The following TAFA1 variants were observed in gnomAD, a reference collection of about 807,000 sequenced individuals.
TAFA1 encodes TAFA chemokine like family member 1.
In TAFA1, 4 loss-of-function variants were observed where a neutral mutation model predicts 18.5. The ratio of observed to expected loss-of-function variants is 0.22; its 90% confidence interval spans 0.11 to 0.49. The LOEUF (loss-of-function observed/expected upper bound fraction) is 0.49, where lower values mean the gene tolerates loss of function less well. Ranked by LOEUF, TAFA1 falls within the 20% of genes least tolerant of loss-of-function variation. The pLI is 0.98. For missense variants in TAFA1, 147 were observed against 169.0 expected (o/e 0.87, Z 0.72); for synonymous variants, 56 against 55.2 (o/e 1.01, Z -0.06).
At chr3:68,414,616 C>T (rs1264639755) in intron 2 of TAFA1, among the ~76,000 whole-genome samples, 1 of 152,064 alleles carries the variant, frequency 6.6e-6, no homozygotes, top group Non-Finnish European at 1.5e-5. Context: ...ATACAGCATC[C>T]AGCACCCAAA....
At chr3:68,105,390 A>G (rs2065192095) in intron 2 of TAFA1, among the ~76,000 whole-genome samples, 2 of 152,200 alleles carry the variant, frequency 1.3e-5, no homozygotes, top group Non-Finnish European at 2.9e-5. Context: ...TTTAGACTCT[A>G]AAATGTTCAG....
intron 2 of TAFA1, among the ~76,000 whole-genome samples, chr3:68,224,370 C>T (rs1395984442): frequency 6.6e-6 from 1 of 152,084 alleles, no homozygotes; most frequent in Non-Finnish European, 1.5e-5. Context: ...CTCTGTAGGG[C>T]CCAGGCTCAG....
intron 2 of TAFA1, among the ~76,000 whole-genome samples, chr3:68,400,343 G>C (rs1380719514): frequency 6.6e-6 from 1 of 152,182 alleles, no homozygotes; most frequent in Admixed American, 6.5e-5. Flanking sequence ...AGTTTCATTT[G>C]TTGAGATTCA....
intron 2 of TAFA1, among the ~76,000 whole-genome samples, chr3:68,288,438 G>A (rs1332178193): frequency 1.3e-5 from 2 of 152,164 alleles, no homozygotes; most frequent in African/African-American, 4.8e-5. Flanking sequence ...CATTGGCTCA[G>A]CTTCCTGGAG....
intron 2 of TAFA1, among the ~76,000 whole-genome samples, chr3:68,081,456 G>A (rs1400583298): frequency 6.6e-6 from 1 of 151,488 alleles, no homozygotes; most frequent in Non-Finnish European, 1.5e-5. Context: ...ATCTAGTTTT[G>A]GTCTTTGATG....
chr3:68,153,573 A>G (rs2065832071), intron 2 of TAFA1, among the ~76,000 whole-genome samples: 1 of 152,058 alleles, frequency 6.6e-6, no homozygotes, highest in East Asian at 1.9e-4. Context: ...GACTCGTTTT[A>G]TTTTATTTGT....
chr3:68,520,791 A>G (rs1279517407), intron 3 of TAFA1, among the ~76,000 whole-genome samples: 1 of 56,396 alleles, frequency 1.8e-5, no homozygotes, highest in East Asian at 1.0e-3. Context: ...CTATTAGTCA[A>G]CTAAATTTTT....
intron 2 of TAFA1, among the ~76,000 whole-genome samples, chr3:68,224,896 CTTTTTTTTTTTT>C (rs71112624): frequency 1.3e-4 from 6 of 46,368 alleles, no homozygotes; most frequent in Non-Finnish European, 2.1e-4. Flanking sequence ...GCTTGTGGCA[CTTTTTTTTTTTT>C]TTTTTTTTTT....
At chr3:68,448,462 G>A (rs919273705) in intron 3 of TAFA1, among the ~76,000 whole-genome samples, 6 of 152,082 alleles carry the variant, frequency 3.9e-5, no homozygotes, top group Non-Finnish European at 5.9e-5. Context: ...TTAATACGAC[G>A]ACTGTACTGT....
chr3:68,203,414 A>T (rs180873669), intron 2 of TAFA1, among the ~76,000 whole-genome samples: 8 of 151,718 alleles, frequency 5.3e-5, no homozygotes, highest in Admixed American at 4.6e-4. Flanking sequence ...TCTGTTTCTG[A>T]TGCTTGCTCT....
intron 3 of TAFA1, among the ~76,000 whole-genome samples, chr3:68,461,925 C>T (rs2071789767): frequency 6.6e-6 from 1 of 151,964 alleles, no homozygotes; most frequent in Non-Finnish European, 1.5e-5. Context: ...GTCTGGGTTG[C>T]AACAAAGATG....
At chr3:68,473,370 T>C (rs1224756162) in intron 3 of TAFA1, among the ~76,000 whole-genome samples, 1 of 152,202 alleles carries the variant, frequency 6.6e-6, no homozygotes, top group Non-Finnish European at 1.5e-5. Flanking sequence ...TGTGAATTGA[T>C]GACAGACAAT....
At chr3:68,133,471 T>G (rs1173426713) in intron 2 of TAFA1, among the ~76,000 whole-genome samples, 1 of 152,188 alleles carries the variant, frequency 6.6e-6, no homozygotes, top group Non-Finnish European at 1.5e-5. Flanking sequence ...ATGGCCATTT[T>G]CACAATATTT....
intron 2 of TAFA1, among the ~76,000 whole-genome samples, chr3:68,351,447 C>T (rs2069265266): frequency 6.6e-6 from 1 of 151,990 alleles, no homozygotes; most frequent in African/African-American, 2.4e-5. Flanking sequence ...TTTTCTTCAA[C>T]CCCCATAGGT....
chr3:67,992,166 T>C, the TAFA1 span, among the ~76,000 whole-genome samples: 1 of 152,192 alleles, frequency 6.6e-6, no homozygotes, highest in African/African-American at 2.4e-5. Flanking sequence ...TATGAAAACA[T>C]ATGGAGAAAG....
At chr3:68,215,481 A>G (rs907342935) in intron 2 of TAFA1, among the ~76,000 whole-genome samples, 3 of 152,080 alleles carry the variant, frequency 2.0e-5, no homozygotes, top group African/African-American at 7.2e-5. Context: ...CTAAAGCATG[A>G]CTCATGAAAG....
At chr3:68,504,236 T>A (rs892565029) in intron 3 of TAFA1, among the ~76,000 whole-genome samples, 3 of 152,162 alleles carry the variant, frequency 2.0e-5, no homozygotes, top group African/African-American at 7.2e-5. Context: ...ACCTAGTCCC[T>A]CTTGCCCAGC....
intron 2 of TAFA1, among the ~76,000 whole-genome samples, chr3:68,085,175 T>C (rs562384112): frequency 6.6e-6 from 1 of 152,320 alleles, no homozygotes; most frequent in Non-Finnish European, 1.5e-5. Flanking sequence ...GAGTAAGGCA[T>C]TGCTATCTTT....
intron 2 of TAFA1, among the ~76,000 whole-genome samples, chr3:68,251,955 A>G (rs2067204994): frequency 6.6e-6 from 1 of 152,214 alleles, no homozygotes; most frequent in African/African-American, 2.4e-5. Flanking sequence ...CGGGACTCAC[A>G]CTGGGGTCTA....
Sources: gnomAD v4.1 joint callset for allele counts (sites outside exome capture counted in the v4.1 genomes callset) on GRCh38, gnomAD v4.1.1 for gene constraint, MANE v1.5 for transcripts, NCBI Gene and HGNC (gene_info 2026-07-23, HGNC 2026-07-21) for gene names.